The following CDC42BPB variants were observed in gnomAD, a reference collection of about 807,000 sequenced individuals.
CDC42BPB encodes serine/threonine-protein kinase MRCK beta.
CDC42BPB carries 37 observed loss-of-function variants against 214.9 expected under a neutral mutation model. That is an observed-to-expected ratio of 0.17 (90% CI 0.13 to 0.23). The LOEUF (loss-of-function observed/expected upper bound fraction) is 0.23, where lower values mean the gene tolerates loss of function less well. Among genes scored for constraint, CDC42BPB ranks in the 10% least tolerant of loss-of-function variants. CDC42BPB has a pLI of 1.00. For missense variants in CDC42BPB, 1,694 were observed against 2,227.0 expected (o/e 0.76, Z 4.82); for synonymous variants, 931 against 884.0 (o/e 1.05, Z -0.94).
intron 1 of CDC42BPB, among the ~76,000 whole-genome samples, chr14:103,052,864 A>G (rs1888686792): frequency 6.6e-6 from 1 of 152,244 alleles, no homozygotes; most frequent in Admixed American, 6.5e-5. Context: ...ACGCAACATT[A>G]GCTGTTACAA....
In CDC42BPB at chr14:102,992,961, C is replaced by T. The variant is rs905164254; in HGVS notation, c.597-6381G>A. ...CTCATACCTCAGCCTCCCAAGTAGC[C>T]GGGATTACAGGCGTGCACTACCACG... is the stretch of plus-strand genomic sequence containing the variant. On this transcript the variant is annotated intron_variant, in intron 5 of 36. Transcript: ENST00000361246. Among the ~76,000 whole-genome samples, 8 of 151,880 alleles carry T rather than the reference C, an allele frequency of 5.3e-5. 1 individual carries two copies. The highest frequency in any genetic ancestry group is 9.7e-5 in the African/African-American group (4 of 41,446).
chr14:102,979,885 C>G (rs1595489381), intron 8 of CDC42BPB, among the ~76,000 whole-genome samples: 1 of 152,156 alleles, frequency 6.6e-6, no homozygotes, highest in East Asian at 1.9e-4. Flanking sequence ...AAACAAGTCC[C>G]ACAGCTGGAA....
intron 1 of CDC42BPB, among the ~76,000 whole-genome samples, chr14:103,044,250 CAG>C (rs1231205688): frequency 6.6e-6 from 1 of 151,940 alleles, no homozygotes; most frequent in Non-Finnish European, 1.5e-5. Flanking sequence ...TTTTTGGAGA[CAG>C]AGTCTCACTC....
At position 102,939,713 on chromosome 14, in the gene CDC42BPB, T is replaced by C; in HGVS notation, c.4724A>G (p.Asp1575Gly). ...TATCATTTTGGATCTCAATTCTGGG[T>C]CTCTAAGCATCTCTCTGGGGAAAGG... ...RLQQRREMLR[D>G]PELRSKMISN... is the part of the protein sequence containing the mutation. The change falls in exon 34 of 37, where the codon GAC becomes GGC. Residue 1575 changes from aspartate (D) to glycine (G), a missense_variant. Around this residue, in one of 7 missense-constraint regions of CDC42BPB, gnomAD observed 567 missense variants for 790.3 expected, o/e 0.72. Coordinates refer to ENST00000361246, the MANE Select transcript of CDC42BPB (RefSeq NM_006035.4). 4 of 1,614,130 alleles carry C rather than the reference T, an allele frequency of 2.5e-6. No homozygotes were observed. Among genetic ancestry groups the C allele is most frequent in the Non-Finnish European group, 3.4e-6 (4 of 1,180,018 alleles).
intron 5 of CDC42BPB, among the ~76,000 whole-genome samples, chr14:102,996,209 G>A (rs1050648948): frequency 7.9e-5 from 12 of 152,002 alleles, no homozygotes; most frequent in Admixed American, 2.0e-4. Flanking sequence ...GCGTGGTGGT[G>A]GGCACCTGTA....
intron 3 of CDC42BPB, among the ~76,000 whole-genome samples, chr14:103,006,628 A>G (rs548929286): frequency 6.6e-6 from 1 of 152,396 alleles, no homozygotes; most frequent in East Asian, 1.9e-4. Context: ...TGCTTTTAAG[A>G]AAATTTTTTA....
intron 9 of CDC42BPB, among the ~76,000 whole-genome samples, chr14:102,977,590 C>A (rs986671818): frequency 2.0e-5 from 3 of 152,202 alleles, no homozygotes; most frequent in Non-Finnish European, 2.9e-5. Context: ...GGGCCCACAA[C>A]ACACAATCCT....
intron 6 of CDC42BPB, among the ~76,000 whole-genome samples, chr14:102,985,474 T>C (rs975418383): frequency 1.3e-5 from 2 of 152,110 alleles, no homozygotes; most frequent in South Asian, 2.1e-4. Flanking sequence ...GTAACCCATG[T>C]TCTGGTTCAG....
intron 1 of CDC42BPB, among the ~76,000 whole-genome samples, chr14:103,016,868 T>C (rs939234839): frequency 2.0e-5 from 3 of 152,030 alleles, no homozygotes; most frequent in African/African-American, 7.2e-5. Flanking sequence ...ACACCCAGTG[T>C]GGACCATGGT....
chr14:103,005,749 C>T (rs944491617), intron 3 of CDC42BPB, among the ~76,000 whole-genome samples: 8 of 150,828 alleles, frequency 5.3e-5, no homozygotes, highest in East Asian at 4.0e-4. Context: ...TGGCTGCACA[C>T]GGTGGCTCAC....
chr14:102,990,046 T>TCTC (rs1377890930), intron 5 of CDC42BPB, among the ~76,000 whole-genome samples: 5 of 151,008 alleles, frequency 3.3e-5, no homozygotes, highest in Non-Finnish European at 5.9e-5. Context: ...CCAGCGGAGG[T>TCTC]GGGCAGGATA....
chr14:103,019,637 A>G (rs1490391185), intron 1 of CDC42BPB, among the ~76,000 whole-genome samples: 1 of 152,170 alleles, frequency 6.6e-6, no homozygotes, highest in Non-Finnish European at 1.5e-5. Context: ...GGGGGTTCGC[A>G]CCCCTCCTAA....
Position 102,959,702 on chromosome 14 carries a change from G to C in CDC42BPB, c.2830C>G (p.Leu944Val), listed in dbSNP as rs376599246. The C allele has an allele frequency of 1.2e-6, 2 of 1,611,610 alleles. No homozygotes were observed. Among genetic ancestry groups the C allele is most frequent in the Non-Finnish European group, 1.7e-6 (2 of 1,179,110 alleles). The change falls in exon 21 of 37, where the codon CTT becomes GTT. Residue 944 changes from leucine (L) to valine (V), a missense_variant. Coordinates refer to ENST00000361246, the MANE Select transcript of CDC42BPB (RefSeq NM_006035.4). ...AAAATGGAATCCTGAAAATCTGGAA[G>C]TTTGAGCCCTGCAAAAAGAAACAAA... is the stretch of plus-strand genomic sequence containing the variant. ...EKFRADTGLKLPDFQDSIFEY... is the reference protein window; with the variant it reads ...EKFRADTGLKVPDFQDSIFEY...
chr14:102,972,268 T>G, intron 12 of CDC42BPB, 107 bp from the exon 13 acceptor site: 1 of 1,540,570 alleles, frequency 6.5e-7, no homozygotes, highest in East Asian at 2.3e-5. Context: ...CAGCCAATGC[T>G]GGTTACAGAT....
intron 3 of CDC42BPB, among the ~76,000 whole-genome samples, chr14:103,006,900 C>A (rs956665950): frequency 2.0e-5 from 3 of 152,126 alleles, no homozygotes; most frequent in Admixed American, 6.5e-5. Context: ...AGGTAAATAC[C>A]AAACACCTGA....
At chr14:102,954,513 T>C in intron 22 of CDC42BPB, 89 bp downstream of exon 22, 2 of 1,411,182 alleles carry the variant, frequency 1.4e-6, no homozygotes, top group Non-Finnish European at 9.7e-7. Flanking sequence ...CTGCAAACTG[T>C]TATGCAGGGG....
intron 1 of CDC42BPB, among the ~76,000 whole-genome samples, chr14:103,014,389 G>GT (rs558260822): frequency 1.3e-4 from 19 of 151,476 alleles, no homozygotes; most frequent in South Asian, 2.1e-4. Flanking sequence ...TTTATGCTAG[G>GT]TTTTTTTTTG....
chr14:102,965,135 C>T (rs7145178), intron 18 of CDC42BPB, among the ~76,000 whole-genome samples: 135,073 of 151,920 alleles, frequency 0.89, 61,077 homozygotes, highest in Non-Finnish European at 0.98. Flanking sequence ...GGTTTCACCA[C>T]GTTGGCCAGG....
At position 102,974,135 on chromosome 14, in the gene CDC42BPB, C is replaced by T; in HGVS notation, c.1522G>A (p.Glu508Lys). Residue 508 changes from glutamate (E) to lysine (K), a missense_variant, in exon 12 of 37, where the codon GAG becomes AAG. Glu to Lys is a moderately conservative substitution (Grantham distance 56). This residue lies in a region of CDC42BPB where 462 missense variants were observed against 513.5 expected (regional missense o/e 0.90). Coordinates refer to ENST00000361246, the MANE Select transcript of CDC42BPB (RefSeq NM_006035.4). ...KNKIADSNRL[E>K]RQLEDTVALR... Reference sequence around the variant, plus strand: ...GCCACTGTGTCCTCAAGCTGTCGCTCGAGCCTGTTTGAATCTGGACAAAAG... The same window carrying T: ...GCCACTGTGTCCTCAAGCTGTCGCTTGAGCCTGTTTGAATCTGGACAAAAG... The T allele has an allele frequency of 6.8e-6, 11 of 1,613,646 alleles. No individual in the cohort carries two copies. The highest frequency in any genetic ancestry group is 9.3e-6 in the Non-Finnish European group (11 of 1,179,844).
Sources: gnomAD v4.1 joint callset for allele counts (sites outside exome capture counted in the v4.1 genomes callset) on GRCh38, gnomAD v4.1.1 for gene constraint, gnomAD v4.1.1 regional missense constraint, MANE v1.5 for transcripts, NCBI Gene and HGNC (gene_info 2026-07-23, HGNC 2026-07-21) for gene names.